TRPM3: variants seen among roughly 807,000 people sequenced by gnomAD.
TRPM3 encodes transient receptor potential cation channel subfamily M member 3.
In TRPM3, 77 loss-of-function variants were observed where a neutral mutation model predicts 181.2. The ratio of observed to expected loss-of-function variants is 0.42; its 90% CI spans 0.35 to 0.51. The LOEUF (loss-of-function observed/expected upper bound fraction) is 0.51, where lower values mean the gene tolerates loss of function less well. Ranked by LOEUF, TRPM3 falls within the 20% of genes least tolerant of loss-of-function variation. TRPM3 has a pLI of 0.01. For missense variants in TRPM3, 1,759 were observed against 2,196.7 expected, an observed-to-expected ratio of 0.80 and a Z score of 3.98; for synonymous variants, 745 against 796.4, an observed-to-expected ratio of 0.94 and a Z score of 1.09.
At chr9:71,355,917 C>A (rs148438465) in intron 1 of TRPM3, among the ~76,000 whole-genome samples, 1,918 of 151,906 alleles carry the variant, frequency 0.013, 21 homozygotes, top group Middle Eastern at 0.061. Context: ...TTTTATTAGA[C>A]AAGTAAAACT....
At chr9:71,288,010 T>C (rs2085446300) in intron 1 of TRPM3, among the ~76,000 whole-genome samples, 1 of 152,072 alleles carries the variant, frequency 6.6e-6, no homozygotes, top group Non-Finnish European at 1.5e-5. Flanking sequence ...AACTACCCCT[T>C]ATCAATTTAG....
At chr9:71,350,087 G>C (rs979589244) in intron 1 of TRPM3, among the ~76,000 whole-genome samples, 20 of 150,882 alleles carry the variant, frequency 1.3e-4, no homozygotes, top group African/African-American at 3.9e-4. Flanking sequence ...ACACTCTATG[G>C]ATTGGAGACT....
intron 1 of TRPM3, among the ~76,000 whole-genome samples, chr9:70,978,436 A>G (rs1475505825): frequency 6.6e-6 from 1 of 152,200 alleles, no homozygotes; most frequent in Non-Finnish European, 1.5e-5. Flanking sequence ...GTCAGCTAAC[A>G]TAACTCAGAA....
chr9:70,623,710 CTT>C (rs1222479444), intron 14 of TRPM3, among the ~76,000 whole-genome samples: 1 of 152,148 alleles, frequency 6.6e-6, no homozygotes, highest in Non-Finnish European at 1.5e-5. Context: ...AAATGATTAA[CTT>C]TATTAAATCC....
At chr9:71,407,691 A>C (rs769949458) in intron 1 of TRPM3, among the ~76,000 whole-genome samples, 9 of 152,222 alleles carry the variant, frequency 5.9e-5, no homozygotes, top group Non-Finnish European at 1.3e-4. Context: ...CTGCAGACTT[A>C]AACGTCCCTG....
At chr9:71,045,088 CTATT>C (rs1442167381) in intron 1 of TRPM3, among the ~76,000 whole-genome samples, 16 of 151,486 alleles carry the variant, frequency 1.1e-4, no homozygotes, top group Admixed American at 6.6e-4. Context: ...TTTATTTTTA[CTATT>C]TATTATTATT....
intron 1 of TRPM3, among the ~76,000 whole-genome samples, chr9:71,280,806 G>A (rs1422110863): frequency 6.6e-6 from 1 of 152,140 alleles, no homozygotes; most frequent in Admixed American, 6.6e-5. Context: ...TACAAGGGCT[G>A]ATTCCTTTCT....
At chr9:70,786,909 C>A (rs931068831) in intron 6 of TRPM3, among the ~76,000 whole-genome samples, 1 of 152,126 alleles carries the variant, frequency 6.6e-6, no homozygotes, top group Non-Finnish European at 1.5e-5. Flanking sequence ...TACTCCAACT[C>A]ACAGACCAAG....
chr9:70,913,293 T>C (rs560642932), intron 1 of TRPM3, among the ~76,000 whole-genome samples: 2 of 152,334 alleles, frequency 1.3e-5, no homozygotes, highest in South Asian at 4.1e-4. Context: ...TCTTATTTAG[T>C]TCACCCAGAA....
intron 1 of TRPM3, among the ~76,000 whole-genome samples, chr9:71,034,187 G>T (rs558130768): frequency 6.6e-6 from 1 of 152,278 alleles, no homozygotes; most frequent in African/African-American, 2.4e-5. Context: ...ATCTCTGACT[G>T]CCATGATAGC....
intron 22 of TRPM3, among the ~76,000 whole-genome samples, chr9:70,554,098 G>A (rs2047103260): frequency 6.6e-6 from 1 of 152,036 alleles, no homozygotes; most frequent in African/African-American, 2.4e-5. Context: ...GTGGGGGTGA[G>A]GAGGAAGGTG....
intron 1 of TRPM3, among the ~76,000 whole-genome samples, chr9:71,399,936 C>T (rs1346678950): frequency 6.6e-6 from 1 of 152,062 alleles, no homozygotes; most frequent in Non-Finnish European, 1.5e-5. Flanking sequence ...GCCTGGGTGT[C>T]AAAAGATCAG....
At chr9:71,000,045 T>C (rs1564937962) in intron 1 of TRPM3, among the ~76,000 whole-genome samples, 1 of 152,190 alleles carries the variant, frequency 6.6e-6, no homozygotes, top group Non-Finnish European at 1.5e-5. Context: ...AAGAAAGCTG[T>C]TGGGGATGGC....
chr9:70,920,478 T>C (rs1003616293), intron 1 of TRPM3, among the ~76,000 whole-genome samples: 29 of 152,206 alleles, frequency 1.9e-4, no homozygotes, highest in Non-Finnish European at 5.9e-5. Context: ...TTTGGCACTT[T>C]AGTCCCCTCT....
intron 1 of TRPM3, among the ~76,000 whole-genome samples, chr9:71,151,649 A>AC (rs1406405600): frequency 2.0e-5 from 3 of 152,126 alleles, no homozygotes; most frequent in Admixed American, 2.0e-4. Context: ...TGACACGTGC[A>AC]CACAGATATT....
intron 1 of TRPM3, among the ~76,000 whole-genome samples, chr9:70,882,813 T>C (rs1431024292): frequency 6.6e-6 from 1 of 152,140 alleles, no homozygotes; most frequent in Non-Finnish European, 1.5e-5. Context: ...CCTTGAAAGA[T>C]TTAACCAAGT....
intron 1 of TRPM3, among the ~76,000 whole-genome samples, chr9:71,405,585 TAAACCA>T (rs1307290735): frequency 1.3e-5 from 2 of 152,208 alleles, no homozygotes; most frequent in African/African-American, 4.8e-5. Flanking sequence ...AAAGTAAGCT[TAAACCA>T]CTCTTGAAGC....
chr9:70,596,556 A>T (rs1409024720), intron 21 of TRPM3, among the ~76,000 whole-genome samples: 1 of 152,044 alleles, frequency 6.6e-6, no homozygotes, highest in Non-Finnish European at 1.5e-5. Context: ...ACCTAGTGAA[A>T]CCTCGTCTCT....
intron 24 of TRPM3, among the ~76,000 whole-genome samples, chr9:70,551,378 C>A (rs1198127020): frequency 2.0e-5 from 3 of 152,206 alleles, no homozygotes; most frequent in African/African-American, 7.2e-5. Flanking sequence ...CATGGCTGTT[C>A]CTCCCTTCTG....
Sources: gnomAD v4.1 joint callset for allele counts (sites outside exome capture counted in the v4.1 genomes callset) on GRCh38, gnomAD v4.1.1 for gene constraint, MANE v1.5 for transcripts, NCBI Gene and HGNC (gene_info 2026-07-23, HGNC 2026-07-21) for gene names.